The following GJC2 variants were observed in gnomAD, a reference collection of about 807,000 sequenced individuals.
The protein encoded by GJC2 is gap junction gamma-2 protein.
For synonymous variants in GJC2, 336 were observed against 307.5 expected (o/e 1.09, Z -0.97); for missense variants, 647 against 648.9 (o/e 1.00, Z 0.03).
At chr1:228,154,063 G>A (rs983498445) in intron 1 of GJC2, among the ~76,000 whole-genome samples, 4 of 152,140 alleles carry the variant, frequency 2.6e-5, no homozygotes, top group Non-Finnish European at 5.9e-5. Context: ...CGTTGCTGAC[G>A]TCTTGCATTA....
Position 228,159,133 on chromosome 1 carries a change from G to T in GJC2, c.*55G>T. The T allele has an allele frequency of 6.3e-7, 1 of 1,580,204 alleles. No individual in the cohort carries two copies. Among genetic ancestry groups the T allele is most frequent in the Non-Finnish European group, 8.7e-7 (1 of 1,155,170 alleles). On this transcript the variant is annotated 3_prime_UTR_variant, in exon 2 of 2. Coordinates refer to ENST00000366714, the MANE Select transcript of GJC2 (RefSeq NM_020435.4). This position sits in a 1 kb window ranked among gnomAD's most constrained non-coding sequence, Gnocchi z 4.0. Reference sequence around the variant, plus strand: ...GGAGGAGGGTTGGGGGGCTCCGGTGGAAACCTGCGACCCCTTCTCCTCAGC... The same window carrying T: ...GGAGGAGGGTTGGGGGGCTCCGGTGTAAACCTGCGACCCCTTCTCCTCAGC...
Position 228,159,207 on chromosome 1 carries a change from C to A in GJC2, c.*129C>A. On this transcript the variant is annotated 3_prime_UTR_variant, in exon 2 of 2. Transcript: ENST00000366714. The surrounding 1 kb of genome is among the most constrained non-coding windows in gnomAD (Gnocchi z 4.0). Reference sequence around the variant, plus strand: ...GGCAGACTCTGCCCAGAGGGGCAGCCAGGCTGCTCAGGGAAGGGGCTGAAA... The same window carrying A: ...GGCAGACTCTGCCCAGAGGGGCAGCAAGGCTGCTCAGGGAAGGGGCTGAAA... The A allele has an allele frequency of 9.2e-7, 1 of 1,087,696 alleles. No homozygotes were observed. Among genetic ancestry groups the A allele is most frequent in the Non-Finnish European group, 1.3e-6 (1 of 750,722 alleles). 67.4% of individuals were successfully genotyped at this position (1,087,696 alleles called of 1,614,324 possible).
In GJC2 at chr1:228,151,224, C is replaced by T. The variant is rs1478407686; in HGVS notation, c.-20+1217C>T. Among the ~76,000 whole-genome samples the T allele has an allele frequency of 2.6e-5, 4 of 152,152 alleles. No homozygotes were observed. Among genetic ancestry groups the T allele is most frequent in the Non-Finnish European group, 5.9e-5 (4 of 67,996 alleles). On this transcript the variant is annotated intron_variant, in intron 1 of 1. Coordinates refer to ENST00000366714, the MANE Select transcript of GJC2 (RefSeq NM_020435.4). The surrounding 1 kb of genome is among the most constrained non-coding windows in gnomAD (Gnocchi z 5.4). ...ACCAGCCTGGATGCTGCCTTGCCACCTGCACGTGTGCACGGCCCTGGCAAG... is the reference window on the plus strand; with the variant it reads ...ACCAGCCTGGATGCTGCCTTGCCACTTGCACGTGTGCACGGCCCTGGCAAG...
rs569785905 is a variant in GJC2 at position 228,157,692 on chromosome 1, C to A, written c.-19-48C>A. ...CCTGGAGCCCCGGCTCTGAGCGCCG[C>A]GGGCTCCTAAGTGCAGGCCCCTGGC... On this transcript the variant is annotated intron_variant, in intron 1 of 1. Coordinates refer to ENST00000366714, the MANE Select transcript of GJC2 (RefSeq NM_020435.4). 3.5e-6 allele frequency: 4 copies of A among 1,130,100 alleles called. No individual in the cohort carries two copies. In the East Asian group the frequency reaches 7.7e-5, roughly 22 times the overall value. The allele number at this position is 1,130,100 out of a possible 1,614,324, so 70.0% of individuals were successfully genotyped here.
chr1:228,158,007 G>C lies in GJC2; in HGVS notation c.249G>C (p.Gln83His). The change falls in exon 2 of 2, where the codon CAG becomes CAC. Residue 83 changes from glutamine to histidine, a missense_variant. Transcript: ENST00000366714. The surrounding 1 kb of genome is among the most constrained non-coding windows in gnomAD (Gnocchi z 8.3). ...PLSHVRFWVF[Q>H]IVVISTPSVM... Reference sequence around the variant, plus strand: ...CGCACGTGCGCTTCTGGGTCTTCCAGATTGTGGTCATCTCCACGCCCTCGG... The same window carrying C: ...CGCACGTGCGCTTCTGGGTCTTCCACATTGTGGTCATCTCCACGCCCTCGG... 6.2e-7 allele frequency: 1 copy of C among 1,611,974 alleles called. No individual in the cohort carries two copies. The highest frequency in any genetic ancestry group is 1.1e-5 in the South Asian group (1 of 90,988).
chr1:228,157,741 A>AAACCC lies in GJC2; in HGVS notation c.-18_-17insAACCC. 12 of 354,468 alleles carry AAACCC rather than the reference A, an allele frequency of 3.4e-5. 1 individual carries two copies. The highest frequency in any genetic ancestry group is 1.4e-4 in the Admixed American group (4 of 29,484). 22.0% of individuals were successfully genotyped at this position (354,468 alleles called of 1,614,324 possible). A position where few individuals can be genotyped will look rare whatever the true frequency, so the allele number is the denominator to read the frequency against. The stretch of plus-strand genomic sequence containing the variant: ...GCTGACCCCTACCCCGCCCCACAGG[A>AAACCC]CCCGCCCGCCCGCCCCTATGACCAA... On this transcript the variant is annotated splice_region_variant and 5_prime_UTR_variant, in exon 2 of 2. Coordinates refer to ENST00000366714, the MANE Select transcript of GJC2 (RefSeq NM_020435.4).
Position 228,159,162 on chromosome 1 carries a change from C to A in GJC2, c.*84C>A. The A allele has an allele frequency of 6.7e-7, 1 of 1,491,162 alleles. No homozygotes were observed. 92.4% of individuals were successfully genotyped at this position (1,491,162 alleles called of 1,614,324 possible). A position where few individuals can be genotyped will look rare whatever the true frequency, so the allele number is the denominator to read the frequency against. ...CCTGCGACCCCTTCTCCTCAGCCTT[C>A]TCCTTAGCCGGTGGCCTCAGGCAGA... On this transcript the variant is annotated 3_prime_UTR_variant, in exon 2 of 2. Transcript: ENST00000366714. This position sits in a 1 kb window ranked among gnomAD's most constrained non-coding sequence, Gnocchi z 4.0.
In GJC2 at chr1:228,152,848, C is replaced by T. The variant is rs951154059; in HGVS notation, c.-20+2841C>T. 4.6e-5 allele frequency among the ~76,000 whole-genome samples: 7 copies of T among 152,218 alleles called. No individual in the cohort carries two copies. Among genetic ancestry groups the T allele is most frequent in the Non-Finnish European group, 7.4e-5 (5 of 67,996 alleles). ...CTCCCAGACCTGGGCCAGGCAGCGT[C>T]CTGGCTGGTGGCCTCCTGTGGTCAC... On this transcript the variant is annotated intron_variant, in intron 1 of 1. Transcript: ENST00000366714. The surrounding 1 kb of genome is among the most constrained non-coding windows in gnomAD (Gnocchi z 7.3).
Position 228,159,751 on chromosome 1 carries a change from G to A in GJC2, c.*673G>A, listed in dbSNP as rs1202941436. 1 of 167,374 alleles carries A rather than the reference G, an allele frequency of 6.0e-6. No individual in the cohort carries two copies. The highest frequency in any genetic ancestry group is 1.5e-5 in the Non-Finnish European group (1 of 68,450). 10.4% of individuals were successfully genotyped at this position (167,374 alleles called of 1,614,324 possible). On this transcript the variant is annotated 3_prime_UTR_variant, in exon 2 of 2. Coordinates refer to ENST00000366714, the MANE Select transcript of GJC2 (RefSeq NM_020435.4). The surrounding 1 kb of genome is among the most constrained non-coding windows in gnomAD (Gnocchi z 4.0). Reference sequence around the variant, plus strand: ...ATGGGGCTCTGGGTTCCTGCCTGTGGCCTGTCTGTCCTCCTCCCTAATTCA... The same window carrying A: ...ATGGGGCTCTGGGTTCCTGCCTGTGACCTGTCTGTCCTCCTCCCTAATTCA...
At position 228,150,894 on chromosome 1, in the gene GJC2, T is replaced by A. The variant is rs1310864845; in HGVS notation, c.-20+887T>A. Among the ~76,000 whole-genome samples, 1 of 151,794 alleles carries A rather than the reference T, an allele frequency of 6.6e-6. No homozygotes were observed. The highest frequency in any genetic ancestry group is 1.5e-5 in the Non-Finnish European group (1 of 67,876). On this transcript the variant is annotated intron_variant, in intron 1 of 1. Coordinates refer to ENST00000366714, the MANE Select transcript of GJC2 (RefSeq NM_020435.4). The surrounding 1 kb of genome is among the most constrained non-coding windows in gnomAD (Gnocchi z 4.6). ...AATCATCACCCCCTCACTCCCAGTA[T>A]GGATACCCGCCAGGGCTCGGTTTCT...
At chr1:228,153,386 CAAAA>C (rs11316494) in intron 1 of GJC2, among the ~76,000 whole-genome samples, 10 of 130,910 alleles carry the variant, frequency 7.6e-5, no homozygotes, top group Non-Finnish European at 6.5e-5. Context: ...GAGACCCCAT[CAAAA>C]AAAAAAAAAA....
Position 228,158,203 on chromosome 1 carries a change from G to T in GJC2, c.445G>T (p.Gly149Cys). The T allele has an allele frequency of 2.0e-6, 3 of 1,480,936 alleles. No homozygotes were observed. The highest frequency in any genetic ancestry group is 1.8e-6 in the Non-Finnish European group (2 of 1,119,772). 91.7% of individuals were successfully genotyped at this position (1,480,936 alleles called of 1,614,324 possible). ...ADLGEEEPML[G>C]LGEEEEEEET... ...CCTGGGCGAGGAGGAGCCCATGCTGGGCCTGGGCGAGGAGGAGGAGGAGGA... is the reference window on the plus strand; with the variant it reads ...CCTGGGCGAGGAGGAGCCCATGCTGTGCCTGGGCGAGGAGGAGGAGGAGGA... The change falls in exon 2 of 2, where the codon GGC (glycine) becomes TGC (cysteine). Residue 149 changes from glycine (G) to cysteine (C), a missense_variant. Physicochemically the swap from Gly to Cys is radical, Grantham distance 159. Coordinates refer to ENST00000366714, the MANE Select transcript of GJC2 (RefSeq NM_020435.4). This position sits in a 1 kb window ranked among gnomAD's most constrained non-coding sequence, Gnocchi z 8.3.
chr1:228,158,861 A>C lies in GJC2; in HGVS notation c.1103A>C (p.Asp368Ala). The change falls in exon 2 of 2, where the codon GAC becomes GCC. Residue 368 changes from aspartate (D) to alanine (A), a missense_variant. Transcript: ENST00000366714. This position sits in a 1 kb window ranked among gnomAD's most constrained non-coding sequence, Gnocchi z 8.3. ...GACGGGGCAGCGGCTGGGGACCGCGACCGGGACAGTTCGCCGTGCGTCGGC... is the reference window on the plus strand; with the variant it reads ...GACGGGGCAGCGGCTGGGGACCGCGCCCGGGACAGTTCGCCGTGCGTCGGC... ...LRDGAAAGDRDRDSSPCVGLP... is the reference protein window; with the variant it reads ...LRDGAAAGDRARDSSPCVGLP... 3 of 1,486,292 alleles carry C rather than the reference A, an allele frequency of 2.0e-6. No individual in the cohort carries two copies. Among genetic ancestry groups the C allele is most frequent in the Non-Finnish European group, 2.7e-6 (3 of 1,124,874 alleles). 92.1% of individuals were successfully genotyped at this position (1,486,292 alleles called of 1,614,324 possible). A position where few individuals can be genotyped will look rare whatever the true frequency, so the allele number is the denominator to read the frequency against.
chr1:228,159,264 C>A lies in GJC2; in HGVS notation c.*186C>A, dbSNP rs1216701866. The A allele has an allele frequency of 1.0e-5, 7 of 681,220 alleles. No individual in the cohort carries two copies. Among genetic ancestry groups the A allele is most frequent in the Admixed American group, 2.9e-5 (1 of 33,976 alleles). 42.2% of individuals were successfully genotyped at this position (681,220 alleles called of 1,614,324 possible). A position where few individuals can be genotyped will look rare whatever the true frequency, so the allele number is the denominator to read the frequency against. On this transcript the variant is annotated 3_prime_UTR_variant, in exon 2 of 2. Transcript: ENST00000366714. The surrounding 1 kb of genome is among the most constrained non-coding windows in gnomAD (Gnocchi z 4.0). Reference sequence around the variant, plus strand: ...GAGGAGTGCCCTGGCTTGGTCACCACTGGGGCCAAGGTGGGGTGGAGAGAG... The same window carrying A: ...GAGGAGTGCCCTGGCTTGGTCACCAATGGGGCCAAGGTGGGGTGGAGAGAG...
At position 228,150,266 on chromosome 1, in the gene GJC2, C is replaced by T. The variant is rs750437345; in HGVS notation, c.-20+259C>T. Among the ~76,000 whole-genome samples the T allele has an allele frequency of 2.6e-5, 4 of 152,160 alleles. No homozygotes were observed. Among genetic ancestry groups the T allele is most frequent in the African/African-American group, 9.7e-5 (4 of 41,436 alleles). On this transcript the variant is annotated intron_variant, in intron 1 of 1. Coordinates refer to ENST00000366714, the MANE Select transcript of GJC2 (RefSeq NM_020435.4). The surrounding 1 kb of genome is among the most constrained non-coding windows in gnomAD (Gnocchi z 4.6). ...CCTTCACCGCAGGGTGGGCACCAAC[C>T]GGTGGGGTCTGCTCTGGGACAGCTG...
At chr1:228,153,081 G>A (rs2034639607) in intron 1 of GJC2, among the ~76,000 whole-genome samples, 1 of 151,724 alleles carries the variant, frequency 6.6e-6, no homozygotes, top group South Asian at 2.1e-4. Context: ...CTCCCTGGGG[G>A]CCAGCACCCC....
rs771789521 is a variant in GJC2 at position 228,157,987 on chromosome 1, G to A, written c.229G>A (p.Val77Met). ...TGACGCCTTCGCGCCCCTGTCGCAC[G>A]TGCGCTTCTGGGTCTTCCAGATTGT... ...CYDAFAPLSH[V>M]RFWVFQIVVI... is the part of the protein sequence containing the mutation. The change falls in exon 2 of 2, where the codon GTG (valine) becomes ATG (methionine). Residue 77 changes from valine to methionine, a missense_variant. Physicochemically the swap from Val to Met is conservative, Grantham distance 21 (BLOSUM62 1). Coordinates refer to ENST00000366714, the MANE Select transcript of GJC2 (RefSeq NM_020435.4). 1.2e-6 allele frequency: 2 copies of A among 1,612,226 alleles called. No homozygotes were observed. Among genetic ancestry groups the A allele is most frequent in the African/African-American group, 1.3e-5 (1 of 75,034 alleles).
Position 228,157,741 on chromosome 1 carries a change from A to ACTC in GJC2, c.-17_-16insTCC. On this transcript the variant is annotated splice_region_variant and 5_prime_UTR_variant, in exon 2 of 2. Transcript: ENST00000366714. Reference sequence around the variant, plus strand: ...GCTGACCCCTACCCCGCCCCACAGGACCCGCCCGCCCGCCCCTATGACCAA... The same window carrying ACTC: ...GCTGACCCCTACCCCGCCCCACAGGACTCCCCGCCCGCCCGCCCCTATGACCAA... 1.1e-5 allele frequency: 4 copies of ACTC among 354,470 alleles called. No individual in the cohort carries two copies. Among genetic ancestry groups the ACTC allele is most frequent in the South Asian group, 3.8e-5 (2 of 52,106 alleles). 22.0% of individuals were successfully genotyped at this position (354,470 alleles called of 1,614,324 possible).
intron 1 of GJC2, among the ~76,000 whole-genome samples, chr1:228,155,968 T>C (rs2034673211): frequency 6.6e-6 from 1 of 152,230 alleles, no homozygotes; most frequent in Non-Finnish European, 1.5e-5. Context: ...TCCTGCCCCA[T>C]CTCTCCCTTG....
Sources: allele counts gnomAD v4.1 joint callset (sites outside exome capture counted in the v4.1 genomes callset), GRCh38; gene constraint gnomAD v4.1.1; non-coding constraint Gnocchi (gnomAD v3.1); transcripts MANE v1.5; gene names NCBI Gene and HGNC (gene_info 2026-07-23, HGNC 2026-07-21).